DAB1: variants seen among roughly 807,000 people sequenced by gnomAD.
The protein encoded by DAB1 is disabled homolog 1.
A neutral mutation model predicts 64.6 loss-of-function variants in DAB1; 15 were observed. That is an observed-to-expected ratio of 0.23 (90% CI 0.16 to 0.36). The LOEUF (loss-of-function observed/expected upper bound fraction) is 0.36. Among genes scored for constraint, DAB1 ranks in the 10% least tolerant of loss-of-function variants. The pLI, the probability that DAB1 is intolerant of heterozygous loss-of-function variation, is 1.00. For synonymous variants in DAB1, 235 were observed against 251.9 expected (o/e 0.93, Z 0.64); for missense variants, 596 against 706.7 (o/e 0.84, Z 1.78).
At chr1:58,114,351 T>C (rs1180178804) in intron 5 of DAB1, among the ~76,000 whole-genome samples, 3 of 152,232 alleles carry the variant, frequency 2.0e-5, no homozygotes, top group Non-Finnish European at 2.9e-5. Flanking sequence ...TGGCTTCCTA[T>C]CCATTCTCAT....
intron 1 of DAB1, among the ~76,000 whole-genome samples, chr1:57,378,040 C>T (rs1274720698): frequency 6.6e-6 from 1 of 152,166 alleles, no homozygotes; most frequent in African/African-American, 2.4e-5. Context: ...CCAGAGGCCT[C>T]CTGCAAATGT....
intron 4 of DAB1, among the ~76,000 whole-genome samples, chr1:58,167,053 T>C (rs1655878771): frequency 2.0e-5 from 2 of 102,018 alleles, no homozygotes; most frequent in African/African-American, 5.9e-5. Flanking sequence ...CAGCCAACTA[T>C]TAAAAAAAAA....
At chr1:58,443,990 A>T (rs1189070866) in intron 3 of DAB1, among the ~76,000 whole-genome samples, 3 of 152,188 alleles carry the variant, frequency 2.0e-5, no homozygotes, top group African/African-American at 7.2e-5. Context: ...ATAATGTCCC[A>T]CTCAGATGCT....
chr1:58,358,212 T>A (rs1445088244), intron 3 of DAB1, among the ~76,000 whole-genome samples: 1 of 152,204 alleles, frequency 6.6e-6, no homozygotes, highest in Non-Finnish European at 1.5e-5. Flanking sequence ...ATGTTTTGGC[T>A]AAGCTTGACC....
intron 6 of DAB1, among the ~76,000 whole-genome samples, chr1:57,748,309 C>A (rs575784239): frequency 1.3e-5 from 2 of 152,336 alleles, no homozygotes; most frequent in South Asian, 4.1e-4. Context: ...TGAGGCCAGA[C>A]TGCCTGAACT....
At chr1:57,706,374 G>A (rs1049618583) in intron 6 of DAB1, among the ~76,000 whole-genome samples, 2 of 151,596 alleles carry the variant, frequency 1.3e-5, no homozygotes, top group South Asian at 2.1e-4. Context: ...GGTACCATCA[G>A]GGCTCACTGC....
intron 6 of DAB1, among the ~76,000 whole-genome samples, chr1:57,656,839 T>C (rs747067467): frequency 4.6e-5 from 7 of 152,270 alleles, no homozygotes; most frequent in Non-Finnish European, 1.0e-4. Flanking sequence ...TGTGTGATTC[T>C]GGACAAGTTA....
At chr1:58,168,589 A>G (rs773079806) in intron 4 of DAB1, among the ~76,000 whole-genome samples, 6 of 152,064 alleles carry the variant, frequency 3.9e-5, no homozygotes, top group Non-Finnish European at 7.3e-5. Flanking sequence ...CACCAAGCAG[A>G]AAGACATAAT....
At chr1:58,377,599 A>C (rs200041166) in intron 3 of DAB1, among the ~76,000 whole-genome samples, 1 of 129,262 alleles carries the variant, frequency 7.7e-6, no homozygotes, top group African/African-American at 2.9e-5. Context: ...CTTTCTCTCT[A>C]GCTGCCCTTA....
intron 6 of DAB1, among the ~76,000 whole-genome samples, chr1:57,761,703 A>G (rs960093459): frequency 4.6e-5 from 7 of 152,226 alleles, no homozygotes; most frequent in African/African-American, 1.7e-4. Flanking sequence ...TCATCTCTAC[A>G]CAACGGACCA....
At chr1:58,091,057 T>C (rs1349138478) in intron 5 of DAB1, among the ~76,000 whole-genome samples, 13 of 152,244 alleles carry the variant, frequency 8.5e-5, no homozygotes, top group Non-Finnish European at 2.9e-5. Context: ...CAGTACTTCC[T>C]GTTTGCATTA....
chr1:57,381,300 A>T (rs1272057364), intron 1 of DAB1, among the ~76,000 whole-genome samples: 1 of 152,210 alleles, frequency 6.6e-6, no homozygotes, highest in Non-Finnish European at 1.5e-5. Context: ...CAAATGAGAG[A>T]GAAACAGAAA....
At chr1:57,541,808 T>G (rs1166126040) in intron 7 of DAB1, among the ~76,000 whole-genome samples, 1 of 152,206 alleles carries the variant, frequency 6.6e-6, no homozygotes, top group Non-Finnish European at 1.5e-5. Flanking sequence ...TACTAATTCT[T>G]GCCAACATGC....
At chr1:58,002,083 T>C (rs2100406607) in intron 5 of DAB1, among the ~76,000 whole-genome samples, 1 of 152,344 alleles carries the variant, frequency 6.6e-6, no homozygotes, top group South Asian at 2.1e-4. Flanking sequence ...ATTCTAGCCC[T>C]GTGATACTGA....
chr1:58,099,248 T>C (rs974728181), intron 5 of DAB1, among the ~76,000 whole-genome samples: 2 of 152,206 alleles, frequency 1.3e-5, no homozygotes, highest in African/African-American at 4.8e-5. Flanking sequence ...TTCTGTGTAC[T>C]TCTGGCCACA....
At chr1:57,677,961 C>A (rs550146964) in intron 6 of DAB1, among the ~76,000 whole-genome samples, 3 of 152,240 alleles carry the variant, frequency 2.0e-5, no homozygotes, top group East Asian at 3.9e-4. Context: ...CTCAGCTACA[C>A]GTTGGAATCA....
chr1:57,279,810 A>C (rs1439046342), intron 2 of DAB1, among the ~76,000 whole-genome samples: 2 of 152,258 alleles, frequency 1.3e-5, no homozygotes, highest in African/African-American at 2.4e-5. Context: ...AGACTTGTGC[A>C]TGACAACCTT....
chr1:57,317,150 C>G (rs1046687550), intron 1 of DAB1, among the ~76,000 whole-genome samples: 2 of 152,170 alleles, frequency 1.3e-5, no homozygotes, highest in Non-Finnish European at 2.9e-5. Context: ...AGGGAAGCCT[C>G]CGGCAAACAG....
At chr1:58,051,254 T>C (rs1647644545) in intron 5 of DAB1, among the ~76,000 whole-genome samples, 1 of 151,470 alleles carries the variant, frequency 6.6e-6, no homozygotes, top group African/African-American at 2.4e-5. Flanking sequence ...TGTGTCCAAG[T>C]GATCTCATTG....
Sources: gnomAD v4.1 joint callset for allele counts (sites outside exome capture counted in the v4.1 genomes callset) on GRCh38, gnomAD v4.1.1 for gene constraint, MANE v1.5 for transcripts, NCBI Gene and HGNC (gene_info 2026-07-23, HGNC 2026-07-21) for gene names.